CCDC73: variants seen among roughly 807,000 people sequenced by gnomAD.
CCDC73 encodes coiled-coil domain-containing protein 73.
Under a neutral mutation model 116.5 loss-of-function variants are expected in CCDC73, and 95 were observed. The ratio of observed to expected loss-of-function variants is 0.82; its 90% confidence interval spans 0.69 to 0.97. CCDC73 has a LOEUF of 0.97. Among genes scored for constraint, CCDC73 ranks in the 50% least tolerant of loss-of-function variants. The pLI is 0.00. For missense variants in CCDC73, 1,066 were observed against 1,206.8 expected (o/e 0.88, Z 1.73); for synonymous variants, 398 against 401.3 (o/e 0.99, Z 0.10).
chr11:32,733,544 G>A (rs945429435), intron 2 of CCDC73, among the ~76,000 whole-genome samples: 13 of 152,112 alleles, frequency 8.5e-5, no homozygotes, highest in African/African-American at 2.9e-4. Context: ...GCAAATGTAA[G>A]AGAACAGAAA....
In CCDC73 at chr11:32,614,236, C is replaced by A. The variant is rs1415746016; in HGVS notation, c.2082G>T (p.Glu694Asp). Residue 694 changes from glutamate to aspartate, a missense_variant, in exon 16 of 18, where the codon GAG becomes GAT. Coordinates refer to ENST00000335185, the MANE Select transcript of CCDC73 (RefSeq NM_001008391.4). ...CACAGGGAACAGTTAGTTCAGATTT[C>A]TCTAAAGTATCATTACAGACTTGCA... ...DFLQVCNDTLEKSELTVPCDI... is the reference protein window; with the variant it reads ...DFLQVCNDTLDKSELTVPCDI... 1 of 1,613,732 alleles carries A rather than the reference C, an allele frequency of 6.2e-7. No homozygotes were observed. Among genetic ancestry groups the A allele is most frequent in the Non-Finnish European group, 8.5e-7 (1 of 1,179,760 alleles).
chr11:32,754,472 A>G (rs1850314964), intron 2 of CCDC73, among the ~76,000 whole-genome samples: 1 of 152,182 alleles, frequency 6.6e-6, no homozygotes, highest in African/African-American at 2.4e-5. Flanking sequence ...AATAGAGAAA[A>G]TAAGGGGCAA....
chr11:32,651,178 C>A (rs958404178), intron 12 of CCDC73, among the ~76,000 whole-genome samples: 3 of 152,094 alleles, frequency 2.0e-5, no homozygotes, highest in African/African-American at 7.2e-5. Flanking sequence ...TCCCATGGGG[C>A]CTTCACCCCA....
At chr11:32,639,162 C>CA (rs1030679265) in intron 13 of CCDC73, among the ~76,000 whole-genome samples, 25 of 151,498 alleles carry the variant, frequency 1.7e-4, no homozygotes, top group Non-Finnish European at 3.2e-4. Context: ...GACACCCCCC[C>CA]CAAAAAATCC....
intron 1 of CCDC73, among the ~76,000 whole-genome samples, chr11:32,778,143 TTC>T (rs2133393758): frequency 6.6e-6 from 1 of 152,282 alleles, no homozygotes; most frequent in African/African-American, 2.4e-5. Flanking sequence ...ATAAGTGGTT[TTC>T]AAAGTGCAGT....
At chr11:32,823,965 G>A in the CCDC73 span, among the ~76,000 whole-genome samples, 1 of 152,142 alleles carries the variant, frequency 6.6e-6, no homozygotes, top group Non-Finnish European at 1.5e-5. Context: ...CGCAATCTTG[G>A]CTCATTGCAA....
chr11:32,749,500 CTT>C (rs1850268055), intron 2 of CCDC73, among the ~76,000 whole-genome samples: 1 of 152,098 alleles, frequency 6.6e-6, no homozygotes, highest in Non-Finnish European at 1.5e-5. Flanking sequence ...ACATGTCTCT[CTT>C]TCTCTGGGAC....
intron 9 of CCDC73, among the ~76,000 whole-genome samples, chr11:32,667,619 C>T (rs954697571): frequency 1.8e-4 from 28 of 152,190 alleles, no homozygotes; most frequent in Admixed American, 6.5e-4. Flanking sequence ...CCTGGTGAGG[C>T]GATGCCTCGC....
intron 12 of CCDC73, among the ~76,000 whole-genome samples, chr11:32,643,561 C>T (rs1284948508): frequency 6.6e-6 from 1 of 152,084 alleles, no homozygotes. Flanking sequence ...TCTGCACTGA[C>T]TAGTGTAGGC....
chr11:32,723,150 T>C (rs765531586), intron 2 of CCDC73, among the ~76,000 whole-genome samples: 32 of 152,208 alleles, frequency 2.1e-4, no homozygotes, highest in Non-Finnish European at 4.4e-4. Context: ...ATGTAAAATA[T>C]GCAAGCACAA....
chr11:32,737,273 G>GTGTA (rs1341655491), intron 2 of CCDC73, among the ~76,000 whole-genome samples: 11,122 of 131,062 alleles, frequency 0.085, 514 homozygotes, highest in South Asian at 0.16. Flanking sequence ...GTGTGTGTGT[G>GTGTA]TATATACATG....
At chr11:32,656,238 C>T (rs912287262) in intron 9 of CCDC73, among the ~76,000 whole-genome samples, 3 of 152,010 alleles carry the variant, frequency 2.0e-5, no homozygotes, top group African/African-American at 4.8e-5. Context: ...CCACCACGCC[C>T]GGCTAATTTT....
intron 17 of CCDC73, chr11:32,603,709 T>G (rs1324503372): frequency 6.6e-6 from 1 of 152,188 alleles, no homozygotes; most frequent in Non-Finnish European, 1.5e-5. Context: ...TACCAAAAAT[T>G]AATTCGAGTT....
At chr11:32,764,293 C>T (rs142779184) in intron 1 of CCDC73, among the ~76,000 whole-genome samples, 4,245 of 152,208 alleles carry the variant, frequency 0.028, 79 homozygotes, top group Non-Finnish European at 0.036. Context: ...AGAAGAGCAA[C>T]TCCAAGACAC....
At chr11:32,630,348 C>A (rs545887162) in intron 14 of CCDC73, among the ~76,000 whole-genome samples, 1 of 151,884 alleles carries the variant, frequency 6.6e-6, no homozygotes, top group Admixed American at 6.6e-5. Flanking sequence ...TTTTGTTTTG[C>A]GGGGAAGGGA....
At chr11:32,619,659 G>A (rs1029865302) in intron 14 of CCDC73, among the ~76,000 whole-genome samples, 2 of 122,874 alleles carry the variant, frequency 1.6e-5, no homozygotes, top group Admixed American at 8.1e-5. Context: ...GGTGACAGAG[G>A]GAGACCCTGT....
At chr11:32,702,622 A>G (rs1287637909) in intron 4 of CCDC73, among the ~76,000 whole-genome samples, 3 of 152,226 alleles carry the variant, frequency 2.0e-5, no homozygotes, top group East Asian at 3.8e-4. Context: ...ATTATTCAGG[A>G]CAGATGAAAA....
chr11:32,708,271 T>G (rs942981507), intron 3 of CCDC73, among the ~76,000 whole-genome samples: 1 of 152,308 alleles, frequency 6.6e-6, no homozygotes, highest in East Asian at 1.9e-4. Flanking sequence ...ATGTGCCTAT[T>G]TTTATACCAG....
chr11:32,782,886 GC>G (rs575450411), intron 1 of CCDC73, among the ~76,000 whole-genome samples: 63 of 151,956 alleles, frequency 4.1e-4, no homozygotes, highest in African/African-American at 1.4e-3. Context: ...GCAAAAAGAA[GC>G]AAAAAACCAA....
Sources: gnomAD v4.1 joint callset for allele counts (sites outside exome capture counted in the v4.1 genomes callset) on GRCh38, gnomAD v4.1.1 for gene constraint, MANE v1.5 for transcripts, NCBI Gene and HGNC (gene_info 2026-07-23, HGNC 2026-07-21) for gene names.